The following ST14 variants were observed in gnomAD, a reference collection of about 807,000 sequenced individuals.
The protein encoded by ST14 is suppressor of tumorigenicity 14 protein.
Under a neutral mutation model 96.5 loss-of-function variants are expected in ST14, and 40 were observed. That is an observed-to-expected ratio of 0.41 (90% CI 0.32 to 0.54). The LOEUF (loss-of-function observed/expected upper bound fraction) is 0.54, where lower values mean the gene tolerates loss of function less well. ST14 is among the 20% of genes least tolerant of loss of function. The pLI is 0.17. For missense variants in ST14, 1,066 were observed against 1,188.9 expected (o/e 0.90, Z 1.52); for synonymous variants, 506 against 492.1 (o/e 1.03, Z -0.37).
intron 9 of ST14, 97 bp from the exon 10 acceptor site, chr11:130,196,242 T>C: frequency 3.3e-6 from 3 of 900,778 alleles, no homozygotes; most frequent in Non-Finnish European, 5.3e-6. Context: ...AGGCATACCA[T>C]CTCTCCCTGG....
At chr11:130,166,508 T>C (rs1236725165) in intron 1 of ST14, among the ~76,000 whole-genome samples, 1 of 152,192 alleles carries the variant, frequency 6.6e-6, no homozygotes, top group East Asian at 1.9e-4. Flanking sequence ...TGCCATTTCT[T>C]ATTTAGTAAC....
intron 16 of ST14, among the ~76,000 whole-genome samples, chr11:130,205,552 G>A (rs1313301196): frequency 6.6e-6 from 1 of 152,180 alleles, no homozygotes; most frequent in African/African-American, 2.4e-5. Flanking sequence ...CAGCCATTGT[G>A]AGGCTTCCCA....
intron 16 of ST14, among the ~76,000 whole-genome samples, chr11:130,205,135 C>CT (rs898494299): frequency 1.7e-4 from 25 of 150,570 alleles, no homozygotes; most frequent in East Asian, 5.9e-4. Flanking sequence ...ACAGTGAACA[C>CT]TTTTTTTTTT....
At chr11:130,197,179 T>C (rs761717521) in intron 11 of ST14, among the ~76,000 whole-genome samples, 4 of 152,216 alleles carry the variant, frequency 2.6e-5, no homozygotes, top group African/African-American at 9.7e-5. Context: ...GGGAAGACAT[T>C]TAACTATGCT....
Position 130,187,518 on chromosome 11 carries a change from T to C in ST14, c.82-596T>C, listed in dbSNP as rs1016920975. Among the ~76,000 whole-genome samples the C allele has an allele frequency of 1.3e-5, 2 of 152,168 alleles. No homozygotes were observed. Among genetic ancestry groups the C allele is most frequent in the Non-Finnish European group, 2.9e-5 (2 of 68,018 alleles). On this transcript the variant is annotated intron_variant, in intron 1 of 18. Transcript: ENST00000278742. This position sits in a 1 kb window ranked among gnomAD's most constrained non-coding sequence, Gnocchi z 4.5. ...CTCCCAAGGTTAAACACAGAGCAGTTTTTTCCATGACAGCACCACCTTTTT... is the reference window on the plus strand; with the variant it reads ...CTCCCAAGGTTAAACACAGAGCAGTCTTTTCCATGACAGCACCACCTTTTT...
intron 16 of ST14, among the ~76,000 whole-genome samples, chr11:130,205,349 A>C (rs1953474310): frequency 6.6e-6 from 1 of 152,124 alleles, no homozygotes; most frequent in Admixed American, 6.5e-5. Context: ...CCTGGTCTCG[A>C]ACTCGTGACC....
At chr11:130,178,487 G>A (rs1053352594) in intron 1 of ST14, among the ~76,000 whole-genome samples, 5 of 111,768 alleles carry the variant, frequency 4.5e-5, no homozygotes, top group Admixed American at 2.3e-4. Context: ...AGGGCCCTGG[G>A]CAGTGCTGGG....
intron 1 of ST14, among the ~76,000 whole-genome samples, chr11:130,178,808 G>A (rs971151953): frequency 3.3e-5 from 5 of 152,162 alleles, no homozygotes; most frequent in Admixed American, 6.5e-5. Context: ...GGGCGGCGAC[G>A]GGTCAAAGGG....
intron 1 of ST14, among the ~76,000 whole-genome samples, chr11:130,161,049 G>A (rs1183662932): frequency 6.6e-6 from 1 of 152,172 alleles, no homozygotes; most frequent in Non-Finnish European, 1.5e-5. Flanking sequence ...CTCCGCCGTT[G>A]CTCCCTAAGT....
chr11:130,178,151 C>T (rs182561342), intron 1 of ST14, among the ~76,000 whole-genome samples: 152 of 152,266 alleles, frequency 1.0e-3, no homozygotes, highest in African/African-American at 3.3e-3. Context: ...CATTCCACAT[C>T]AAAGTAACAT....
At chr11:130,189,943 T>G (rs754287240) in intron 5 of ST14, 47 bp downstream of exon 5, 1 of 1,613,088 alleles carries the variant, frequency 6.2e-7, no homozygotes, top group South Asian at 1.1e-5. Context: ...CAGCCTTCCA[T>G]GGAGTGGGGC....
chr11:130,184,520 C>T (rs1591884829), intron 1 of ST14, among the ~76,000 whole-genome samples: 1 of 152,222 alleles, frequency 6.6e-6, no homozygotes, highest in East Asian at 1.9e-4. Flanking sequence ...AGATTTACAA[C>T]TCTCTTCAGC....
At chr11:130,189,007 G>A (rs1953267883) in intron 4 of ST14, 68 bp downstream of exon 4, 1 of 1,511,408 alleles carries the variant, frequency 6.6e-7, no homozygotes, top group African/African-American at 1.4e-5. Context: ...GGGGTACAGT[G>A]TGTGGGGCAG....
At position 130,176,370 on chromosome 11, in the gene ST14, C is replaced by CTT. The variant is rs796996153; in HGVS notation, c.82-11733_82-11732dup. 2.8e-5 allele frequency among the ~76,000 whole-genome samples: 4 copies of CTT among 144,952 alleles called. No homozygotes were observed. The Admixed American group carries it at 2.8e-4, about 10-fold the overall frequency. ...TACCCCTGACAGGGATTTACTTTTC[C>CTT]TTTTTTTTTTTTCTTTTTCTTTTCT... On this transcript the variant is annotated intron_variant, in intron 1 of 18. Transcript: ENST00000278742.
At chr11:130,185,279 G>A (rs1302349576) in intron 1 of ST14, among the ~76,000 whole-genome samples, 2 of 152,120 alleles carry the variant, frequency 1.3e-5, no homozygotes, top group African/African-American at 2.4e-5. Flanking sequence ...CAATTGAAAG[G>A]TTAAAAATAA....
At chr11:130,203,605 A>G (rs1449400971) in intron 16 of ST14, among the ~76,000 whole-genome samples, 1 of 151,946 alleles carries the variant, frequency 6.6e-6, no homozygotes, top group East Asian at 1.9e-4. Flanking sequence ...TGCAGTCCTC[A>G]TGCCTTCCCC....
At chr11:130,177,647 G>T (rs939419338) in intron 1 of ST14, among the ~76,000 whole-genome samples, 1 of 152,196 alleles carries the variant, frequency 6.6e-6, no homozygotes, top group Non-Finnish European at 1.5e-5. Flanking sequence ...GGCCCCACTA[G>T]CTTCCTAGCC....
At position 130,175,507 on chromosome 11, in the gene ST14, G is replaced by A. The variant is rs549525943; in HGVS notation, c.82-12607G>A. Among the ~76,000 whole-genome samples, 10 of 151,996 alleles carry A rather than the reference G, an allele frequency of 6.6e-5. No homozygotes were observed. In the East Asian group the frequency reaches 1.7e-3, roughly 26 times the overall value. On this transcript the variant is annotated intron_variant, in intron 1 of 18. Coordinates refer to ENST00000278742, the MANE Select transcript of ST14 (RefSeq NM_021978.4). ...TGATTCTCCCACCTCAGCCTCCCGA[G>A]TAGCTGGGATTACAGGCATGTGCCA...
chr11:130,176,044 C>T (rs12288991), intron 1 of ST14, among the ~76,000 whole-genome samples: 6,665 of 151,556 alleles, frequency 0.044, 471 homozygotes, highest in African/African-American at 0.15. Flanking sequence ...TGTAGGGATG[C>T]AATGCGTTTC....
Sources: allele counts gnomAD v4.1 joint callset (sites outside exome capture counted in the v4.1 genomes callset), GRCh38; gene constraint gnomAD v4.1.1; non-coding constraint Gnocchi (gnomAD v3.1); transcripts MANE v1.5; gene names NCBI Gene and HGNC (gene_info 2026-07-23, HGNC 2026-07-21).